Variants in ITGB6 observed in about 807,000 individuals in gnomAD.
ITGB6 encodes the protein integrin subunit beta 6.
ITGB6 carries 80 observed loss-of-function variants against 84.5 expected under a neutral mutation model. That is an observed-to-expected ratio of 0.95 (90% CI 0.79 to 1.14). The LOEUF (loss-of-function observed/expected upper bound fraction) is 1.14. Ranked by LOEUF, ITGB6 falls within the 50% of genes most tolerant of loss-of-function variation. The probability of loss-of-function intolerance (pLI) is 0.00; values close to 1 mark genes in which losing one functional copy is unlikely to be tolerated. For missense variants in ITGB6, 1,006 were observed against 968.0 expected (o/e 1.04, Z -0.52); for synonymous variants, 383 against 354.9 (o/e 1.08, Z -0.89).
intron 2 of ITGB6, 115 bp downstream of exon 2, chr2:160,199,064 T>C: frequency 1.3e-6 from 1 of 763,944 alleles, no homozygotes; most frequent in Non-Finnish European, 2.2e-6. Flanking sequence ...CCTGATTTGT[T>C]TTACTTATAC....
chr2:160,161,205 G>C (rs1228002258), intron 7 of ITGB6, among the ~76,000 whole-genome samples: 1 of 152,150 alleles, frequency 6.6e-6, no homozygotes, highest in African/African-American at 2.4e-5. Context: ...TCAGAATTTT[G>C]TAGGATGATC....
At chr2:160,169,398 T>G in intron 6 of ITGB6, 91 bp from the exon 7 acceptor site, 1 of 735,134 alleles carries the variant, frequency 1.4e-6, no homozygotes, top group South Asian at 1.9e-5. Context: ...TTTTTGAGTT[T>G]GGCATTTCAA....
chr2:160,140,689 G>A (rs1683966310), intron 8 of ITGB6, among the ~76,000 whole-genome samples: 1 of 152,188 alleles, frequency 6.6e-6, no homozygotes, highest in Non-Finnish European at 1.5e-5. Flanking sequence ...AGCTAATGTG[G>A]TGATGAATTT....
chr2:160,143,117 G>A (rs1317258080), intron 7 of ITGB6, among the ~76,000 whole-genome samples: 6 of 152,124 alleles, frequency 3.9e-5, no homozygotes, highest in South Asian at 4.1e-4. Context: ...GTGAAACCCC[G>A]TCTCTACTAA....
At chr2:160,171,546 A>G (rs527858980) in intron 6 of ITGB6, among the ~76,000 whole-genome samples, 20 of 152,246 alleles carry the variant, frequency 1.3e-4, no homozygotes, top group Non-Finnish European at 2.2e-4. Context: ...TGTGTTAGCC[A>G]GGATGGTCTC....
Position 160,174,000 on chromosome 2 carries a change from C to T in ITGB6, c.733G>A (p.Ala245Thr), listed in dbSNP as rs1203575130. The change falls in exon 5 of 15, where the codon GCA becomes ACA. Residue 245 changes from alanine to threonine, a missense_variant. By Grantham distance (58) the Ala-to-Thr change is moderately conservative. Coordinates refer to ENST00000283249, the MANE Select transcript of ITGB6 (RefSeq NM_000888.5). ...NIDTPEGGFDAIMQAAVCKEK... is the reference protein window; with the variant it reads ...NIDTPEGGFDTIMQAAVCKEK... Reference sequence around the variant, plus strand: ...TTACACACAGCAGCTTGCATAATTGCATCAAATCCACCTTCGGGTGTGTCA... The same window carrying T: ...TTACACACAGCAGCTTGCATAATTGTATCAAATCCACCTTCGGGTGTGTCA... 5.0e-6 allele frequency: 8 copies of T among 1,613,552 alleles called. No individual in the cohort carries two copies. The African/African-American group carries it at 9.3e-5, about 19-fold the overall frequency.
intron 7 of ITGB6, among the ~76,000 whole-genome samples, chr2:160,151,448 G>A (rs1684412518): frequency 6.6e-6 from 1 of 152,184 alleles, no homozygotes; most frequent in Non-Finnish European, 1.5e-5. Context: ...TCAAAGCAGT[G>A]TGTAGAGGGA....
intron 11 of ITGB6, 76 bp from the exon 12 acceptor site, chr2:160,123,964 CTGT>C (rs751578464): frequency 2.2e-5 from 23 of 1,031,998 alleles, no homozygotes; most frequent in Non-Finnish European, 5.9e-6. Context: ...TGCTTTACTG[CTGT>C]TGTTGCAATT....
intron 12 of ITGB6, among the ~76,000 whole-genome samples, chr2:160,123,178 T>A (rs1205280775): frequency 6.6e-6 from 1 of 152,226 alleles, no homozygotes; most frequent in Non-Finnish European, 1.5e-5. Context: ...AAATTTAAAA[T>A]GACAGATGAA....
chr2:160,178,422 C>G (rs1223012973), intron 4 of ITGB6, among the ~76,000 whole-genome samples: 5 of 152,228 alleles, frequency 3.3e-5, no homozygotes, highest in Admixed American at 6.5e-5. Context: ...TCCAGATCCA[C>G]AGAGGTAGCA....
chr2:160,158,794 A>G (rs1299652382), intron 7 of ITGB6, among the ~76,000 whole-genome samples: 1 of 152,142 alleles, frequency 6.6e-6, no homozygotes, highest in Non-Finnish European at 1.5e-5. Context: ...CATCATCTGG[A>G]AACTTGTTAG....
intron 4 of ITGB6, among the ~76,000 whole-genome samples, chr2:160,178,006 C>G (rs983328898): frequency 6.6e-5 from 10 of 152,316 alleles, no homozygotes; most frequent in East Asian, 3.9e-4. Context: ...TCCCAAGTAG[C>G]TGGGATTACA....
chr2:160,170,556 T>C (rs1685161822), intron 6 of ITGB6, among the ~76,000 whole-genome samples: 2 of 152,206 alleles, frequency 1.3e-5, no homozygotes, highest in African/African-American at 4.8e-5. Context: ...CACCACATAG[T>C]CCTTCGAAGG....
At chr2:160,155,606 A>C (rs1423153769) in intron 7 of ITGB6, among the ~76,000 whole-genome samples, 1 of 152,140 alleles carries the variant, frequency 6.6e-6, no homozygotes, top group Admixed American at 6.6e-5. Flanking sequence ...TTTGCTGTGA[A>C]CCTAAAACTG....
intron 6 of ITGB6, 95 bp from the exon 7 acceptor site, chr2:160,169,402 A>G: frequency 1.5e-6 from 1 of 676,078 alleles, no homozygotes; most frequent in Admixed American, 2.7e-5. Context: ...TGAGTTTGGC[A>G]TTTCAATGCT....
At chr2:160,179,467 C>T (rs1003685028) in intron 4 of ITGB6, among the ~76,000 whole-genome samples, 4 of 149,370 alleles carry the variant, frequency 2.7e-5, no homozygotes, top group Non-Finnish European at 5.9e-5. Flanking sequence ...CAGCTCACTG[C>T]AACCTCTGCC....
chr2:160,198,206 C>T (rs1214164258), intron 2 of ITGB6, among the ~76,000 whole-genome samples: 1 of 152,156 alleles, frequency 6.6e-6, no homozygotes, highest in Non-Finnish European at 1.5e-5. Flanking sequence ...TAAAAAAAAG[C>T]ATAATTCTCT....
chr2:160,186,269 T>C (rs1439456632), intron 4 of ITGB6, among the ~76,000 whole-genome samples: 1 of 96,898 alleles, frequency 1.0e-5, no homozygotes, highest in Non-Finnish European at 2.0e-5. Flanking sequence ...TTAAACAAAT[T>C]TCCAAAAAAA....
In ITGB6 at chr2:160,112,192, T is replaced by C; in HGVS notation, c.1989A>G (p.Ser663=). ...GATISEEEDF[S]KDGSVSCSLQ... is the part of the protein sequence containing the mutation. ...GAGAGCAGGAAACAGAACCATCCTT[T>C]GAGAAATCTGCAGATAAAGGAGTCA... The change falls in exon 13 of 15, where the codon TCA becomes TCG. Residue 663 remains serine, a synonymous_variant. Coordinates refer to ENST00000283249, the MANE Select transcript of ITGB6 (RefSeq NM_000888.5). 1 of 1,610,964 alleles carries C rather than the reference T, an allele frequency of 6.2e-7. No individual in the cohort carries two copies. Among genetic ancestry groups the C allele is most frequent in the Non-Finnish European group, 8.5e-7 (1 of 1,178,752 alleles).
Sources: gnomAD v4.1 joint callset for allele counts (sites outside exome capture counted in the v4.1 genomes callset) on GRCh38, gnomAD v4.1.1 for gene constraint, MANE v1.5 for transcripts, NCBI Gene and HGNC (gene_info 2026-07-23, HGNC 2026-07-21) for gene names.